The following SEMA3A variants were observed in gnomAD, a reference collection of about 807,000 sequenced individuals.
SEMA3A encodes the protein semaphorin 3A.
In SEMA3A, 29 loss-of-function variants were observed where a neutral mutation model predicts 97.9. The observed-to-expected ratio is 0.30, with a 90% CI of 0.22 to 0.40. SEMA3A has a LOEUF of 0.40. Ranked by LOEUF, SEMA3A falls within the 10% of genes least tolerant of loss-of-function variation. The probability of loss-of-function intolerance (pLI) is 1.00; values close to 1 mark genes in which losing one functional copy is unlikely to be tolerated. For missense variants in SEMA3A, 763 were observed against 951.3 expected (o/e 0.80, Z 2.60); for synonymous variants, 321 against 323.7 (o/e 0.99, Z 0.09).
At chr7:84,080,214 A>T in intron 4 of SEMA3A, among the ~76,000 whole-genome samples, 1 of 56,998 alleles carries the variant, frequency 1.8e-5, no homozygotes, top group African/African-American at 9.0e-5. Flanking sequence ...GGGTGGGGGG[A>T]GGGGGTAGGG....
chr7:84,094,270 G>A (rs996165741), intron 4 of SEMA3A, among the ~76,000 whole-genome samples: 1 of 151,746 alleles, frequency 6.6e-6, no homozygotes, highest in Non-Finnish European at 1.5e-5. Flanking sequence ...TGAGGCAAAC[G>A]TCCTTCTTTC....
chr7:84,165,411 C>T (rs1797171152), intron 1 of SEMA3A, among the ~76,000 whole-genome samples: 1 of 151,788 alleles, frequency 6.6e-6, no homozygotes, highest in Admixed American at 6.6e-5. Flanking sequence ...TAGGTAACAC[C>T]TGATGCCAAT....
chr7:84,167,617 G>C (rs984037061), intron 1 of SEMA3A, among the ~76,000 whole-genome samples: 8 of 152,086 alleles, frequency 5.3e-5, no homozygotes, highest in Non-Finnish European at 8.8e-5. Context: ...CTATGAGGTG[G>C]GGTAGAGTGC....
intron 4 of SEMA3A, among the ~76,000 whole-genome samples, chr7:84,062,929 G>A (rs903974469): frequency 2.2e-4 from 33 of 151,952 alleles, no homozygotes; most frequent in Non-Finnish European, 4.1e-4. Context: ...AGCTCAAGGA[G>A]GCCTGCCTGC....
intron 3 of SEMA3A, among the ~76,000 whole-genome samples, chr7:84,302,964 A>T (rs1801057594): frequency 2.0e-5 from 3 of 152,218 alleles, no homozygotes; most frequent in Non-Finnish European, 4.4e-5. Flanking sequence ...GCAAAGAAAA[A>T]GAAAAAGAAA....
intron 6 of SEMA3A, among the ~76,000 whole-genome samples, chr7:84,024,055 C>G (rs1791445075): frequency 6.6e-6 from 1 of 150,796 alleles, no homozygotes; most frequent in African/African-American, 2.4e-5. Context: ...TATACATACA[C>G]ATTCTTTTCT....
intron 1 of SEMA3A, among the ~76,000 whole-genome samples, chr7:84,155,343 G>A (rs1796810463): frequency 6.6e-6 from 1 of 151,952 alleles, no homozygotes; most frequent in Admixed American, 6.6e-5. Context: ...CAACTCTCTG[G>A]GAGAGTTGTC....
intron 1 of SEMA3A, among the ~76,000 whole-genome samples, chr7:84,174,829 G>C (rs1797511204): frequency 6.6e-6 from 1 of 151,964 alleles, no homozygotes; most frequent in Non-Finnish European, 1.5e-5. Context: ...AAGATTTTAG[G>C]TGTTGTTCTG....
chr7:84,113,195 T>G (rs1032286076), intron 3 of SEMA3A, among the ~76,000 whole-genome samples: 5 of 152,154 alleles, frequency 3.3e-5, no homozygotes, highest in Non-Finnish European at 7.3e-5. Context: ...GAGAGGAGAC[T>G]CATCGAAAAC....
chr7:84,217,380 T>C (rs987990660), intron 3 of SEMA3A, among the ~76,000 whole-genome samples: 14 of 152,232 alleles, frequency 9.2e-5, no homozygotes, highest in African/African-American at 3.4e-4. Flanking sequence ...TTGTCTCCTA[T>C]GGTTAAAAGG....
chr7:84,005,977 C>T (rs1007427305), intron 10 of SEMA3A, among the ~76,000 whole-genome samples: 1 of 151,868 alleles, frequency 6.6e-6, no homozygotes, highest in East Asian at 1.9e-4. Flanking sequence ...AAAAGTAGTG[C>T]AATATATAGT....
Position 84,319,120 on chromosome 7 carries a change from G to GT in SEMA3A, c.-168-11829dup, listed in dbSNP as rs1243318983. Among the ~76,000 whole-genome samples, 8 of 152,136 alleles carry GT rather than the reference G, an allele frequency of 5.3e-5. No individual in the cohort carries two copies. The East Asian group carries it at 1.5e-3, about 29-fold the overall frequency. On this transcript the variant is annotated intron_variant, in intron 2 of 3. Transcript: ENST00000424555. Reference sequence around the variant, plus strand: ...GTGAGTTTGTTATTTTAAATTCACTGTACAGGTAAGAAAATGGAGGGAGAG... The same window carrying GT: ...GTGAGTTTGTTATTTTAAATTCACTGTTACAGGTAAGAAAATGGAGGGAGAG...
chr7:84,237,534 TACC>T (rs1179474323), intron 3 of SEMA3A, among the ~76,000 whole-genome samples: 8 of 152,258 alleles, frequency 5.3e-5, no homozygotes, highest in Admixed American at 5.2e-4. Context: ...GCTTACAACA[TACC>T]ACCCATTTTT....
At chr7:84,210,121 T>C (rs1798590932) in intron 3 of SEMA3A, among the ~76,000 whole-genome samples, 1 of 152,214 alleles carries the variant, frequency 6.6e-6, no homozygotes, top group Non-Finnish European at 1.5e-5. Flanking sequence ...TAGTTATCAT[T>C]TTCAGCCCTG....
intron 3 of SEMA3A, among the ~76,000 whole-genome samples, chr7:84,267,891 C>T (rs764519434): frequency 3.7e-4 from 57 of 152,148 alleles, no homozygotes; most frequent in Non-Finnish European, 5.9e-4. Flanking sequence ...TTTATAAATG[C>T]TTGCTTGTAT....
intron 1 of SEMA3A, among the ~76,000 whole-genome samples, chr7:84,405,449 G>C (rs1241401388): frequency 1.3e-5 from 2 of 152,150 alleles, no homozygotes; most frequent in African/African-American, 4.8e-5. Flanking sequence ...AATAATGGGA[G>C]ACTTTAACAC....
intron 2 of SEMA3A, among the ~76,000 whole-genome samples, chr7:84,316,926 C>T (rs554186672): frequency 1.3e-5 from 2 of 152,140 alleles, no homozygotes; most frequent in African/African-American, 4.8e-5. Context: ...TAGCAGGCTC[C>T]AAATAAACCA....
At chr7:84,112,445 A>C (rs1310586021) in intron 3 of SEMA3A, among the ~76,000 whole-genome samples, 1 of 152,102 alleles carries the variant, frequency 6.6e-6, no homozygotes, top group Non-Finnish European at 1.5e-5. Context: ...TTTTCCACAA[A>C]CCCCAATTTT....
intron 4 of SEMA3A, among the ~76,000 whole-genome samples, chr7:84,103,892 A>C (rs12707612): frequency 0.43 from 65,014 of 151,902 alleles, 15,001 homozygotes; most frequent in Admixed American, 0.53. Flanking sequence ...TATTTATAAC[A>C]AATTAATGGA....
Sources: allele counts gnomAD v4.1 joint callset (sites outside exome capture counted in the v4.1 genomes callset), GRCh38; gene constraint gnomAD v4.1.1; transcripts MANE v1.5; gene names NCBI Gene and HGNC (gene_info 2026-07-23, HGNC 2026-07-21).